The following TBC1D32 variants were observed in gnomAD, a reference collection of about 807,000 sequenced individuals.
TBC1D32 encodes the protein protein broad-minded.
Under a neutral mutation model 170.3 loss-of-function variants are expected in TBC1D32, and 151 were observed. The observed-to-expected ratio is 0.89, with a 90% CI of 0.78 to 1.01. The LOEUF (loss-of-function observed/expected upper bound fraction) is 1.01, where lower values mean the gene tolerates loss of function less well. TBC1D32 is among the 50% of genes least tolerant of loss of function. The pLI, the probability that TBC1D32 is intolerant of heterozygous loss-of-function variation, is 0.00. For missense variants in TBC1D32, 1,464 were observed against 1,457.1 expected (o/e 1.00, Z -0.08); for synonymous variants, 498 against 488.0 (o/e 1.02, Z -0.27).
chr6:121,220,649 T>C (rs951375242), intron 21 of TBC1D32, among the ~76,000 whole-genome samples: 11 of 146,564 alleles, frequency 7.5e-5, no homozygotes, highest in Non-Finnish European at 1.7e-4. Flanking sequence ...TCTTTTTTTT[T>C]TTTTTTTTTG....
At chr6:121,177,451 T>TC (rs1332242172) in intron 22 of TBC1D32, among the ~76,000 whole-genome samples, 4 of 152,192 alleles carry the variant, frequency 2.6e-5, no homozygotes, top group Non-Finnish European at 5.9e-5. Context: ...GCTATGCTTC[T>TC]CGTATAGTCT....
intron 24 of TBC1D32, among the ~76,000 whole-genome samples, chr6:121,153,749 G>C (rs1784494643): frequency 1.3e-5 from 2 of 152,114 alleles, no homozygotes; most frequent in African/African-American, 4.8e-5. Flanking sequence ...GCACTGAGGT[G>C]GGCTCCACCC....
intron 15 of TBC1D32, among the ~76,000 whole-genome samples, chr6:121,256,836 AT>A: frequency 6.6e-6 from 1 of 151,864 alleles, no homozygotes; most frequent in Non-Finnish European, 1.5e-5. Flanking sequence ...TGCCTGGCTA[AT>A]TTTTGTACTT....
intron 14 of TBC1D32, among the ~76,000 whole-genome samples, chr6:121,280,583 C>T (rs1802846442): frequency 6.6e-6 from 1 of 151,736 alleles, no homozygotes; most frequent in East Asian, 1.9e-4. Flanking sequence ...CAAAGATAAA[C>T]TCTAGTCTAA....
At chr6:121,087,110 T>G (rs1353108542) in intron 31 of TBC1D32, among the ~76,000 whole-genome samples, 1 of 152,208 alleles carries the variant, frequency 6.6e-6, no homozygotes, top group Non-Finnish European at 1.5e-5. Context: ...ATGATGCAGT[T>G]AACTGCTCTA....
intron 24 of TBC1D32, among the ~76,000 whole-genome samples, chr6:121,158,446 T>C (rs1199888235): frequency 6.6e-6 from 1 of 152,172 alleles, no homozygotes; most frequent in Non-Finnish European, 1.5e-5. Flanking sequence ...GGGTTTCAAC[T>C]TTCTCCTGGA....
At chr6:121,143,378 T>A (rs1266417211) in intron 24 of TBC1D32, among the ~76,000 whole-genome samples, 1 of 152,102 alleles carries the variant, frequency 6.6e-6, no homozygotes, top group Non-Finnish European at 1.5e-5. Flanking sequence ...CCAGATGATG[T>A]CTCAAAATTC....
At chr6:121,119,270 C>T (rs1780018590) in intron 26 of TBC1D32, among the ~76,000 whole-genome samples, 1 of 152,058 alleles carries the variant, frequency 6.6e-6, no homozygotes, top group Non-Finnish European at 1.5e-5. Flanking sequence ...TTGTTTAATT[C>T]CTAATTTTAG....
intron 24 of TBC1D32, among the ~76,000 whole-genome samples, chr6:121,146,869 G>GA (rs1783515284): frequency 6.6e-6 from 1 of 152,206 alleles, no homozygotes; most frequent in South Asian, 2.1e-4. Flanking sequence ...TTGCTATATG[G>GA]GTATATTGAG....
At chr6:121,194,838 C>T (rs1166324195) in intron 22 of TBC1D32, among the ~76,000 whole-genome samples, 1 of 152,184 alleles carries the variant, frequency 6.6e-6, no homozygotes, top group Non-Finnish European at 1.5e-5. Flanking sequence ...ACACTGAGGA[C>T]ATTATGCCTA....
intron 22 of TBC1D32, among the ~76,000 whole-genome samples, chr6:121,181,713 A>G (rs1036320113): frequency 6.6e-6 from 1 of 152,160 alleles, no homozygotes; most frequent in African/African-American, 2.4e-5. Context: ...TGGCCAAGAT[A>G]TGGAATCAGC....
intron 20 of TBC1D32, among the ~76,000 whole-genome samples, chr6:121,226,723 G>T (rs896553198): frequency 1.3e-5 from 2 of 152,146 alleles, no homozygotes; most frequent in African/African-American, 2.4e-5. Flanking sequence ...TGAAGACTAT[G>T]TGTATAAAGT....
chr6:121,212,028 C>CACACACACACACACAT (rs1179203925), intron 21 of TBC1D32, among the ~76,000 whole-genome samples: 12 of 143,134 alleles, frequency 8.4e-5, no homozygotes, highest in African/African-American at 3.1e-4. Flanking sequence ...CACACACACA[C>CACACACACACACACAT]GACAAAAGGG....
At chr6:121,225,432 A>T (rs1014130015) in intron 20 of TBC1D32, among the ~76,000 whole-genome samples, 3 of 151,674 alleles carry the variant, frequency 2.0e-5, no homozygotes, top group East Asian at 1.9e-4. Flanking sequence ...CCATAATCAT[A>T]AAAGATTACA....
chr6:121,299,456 T>C lies in TBC1D32; in HGVS notation c.1130A>G (p.Tyr377Cys), dbSNP rs755306173. 4 of 1,507,484 alleles carry C rather than the reference T, an allele frequency of 2.7e-6. No individual in the cohort carries two copies. Among genetic ancestry groups the C allele is most frequent in the East Asian group, 2.3e-5 (1 of 42,560 alleles). 93.4% of individuals were successfully genotyped at this position (1,507,484 alleles called of 1,614,324 possible). The stretch of plus-strand genomic sequence containing the variant: ...GAATTACAGACTTACCAGAGACTTA[T>C]ATTTCGTTTCAAGAAGTCTTAATAC... The part of the protein sequence containing the change: ...TTVLRLLETK[Y>C]KSLVTTAIQQ... The change falls in exon 10 of 32, where the codon TAT becomes TGT. Residue 377 changes from tyrosine to cysteine, a missense_variant. Around this residue, in one of 3 missense-constraint regions of TBC1D32, gnomAD observed 1,363 missense variants for 1,338.1 expected, o/e 1.02. Transcript: ENST00000398212.
At chr6:121,116,331 C>T (rs1779679724) in intron 26 of TBC1D32, among the ~76,000 whole-genome samples, 1 of 152,032 alleles carries the variant, frequency 6.6e-6, no homozygotes, top group Non-Finnish European at 1.5e-5. Context: ...AAATCATACC[C>T]TAAAAACCTG....
At chr6:121,287,462 A>G (rs987987322) in intron 12 of TBC1D32, among the ~76,000 whole-genome samples, 1 of 152,220 alleles carries the variant, frequency 6.6e-6, no homozygotes, top group African/African-American at 2.4e-5. Context: ...ACTATCCTAA[A>G]TATATATGCA....
At chr6:121,240,292 G>C (rs1041476268) in intron 19 of TBC1D32, among the ~76,000 whole-genome samples, 1 of 146,420 alleles carries the variant, frequency 6.8e-6, no homozygotes, top group African/African-American at 2.5e-5. Context: ...ATGTGCTCTG[G>C]ATACTGCACT....
intron 24 of TBC1D32, among the ~76,000 whole-genome samples, chr6:121,135,073 T>G (rs1476371108): frequency 6.6e-6 from 1 of 152,142 alleles, no homozygotes; most frequent in African/African-American, 2.4e-5. Flanking sequence ...TTCTTCCAGA[T>G]TCACTTATCA....
Sources: allele counts gnomAD v4.1 joint callset (sites outside exome capture counted in the v4.1 genomes callset), GRCh38; gene constraint gnomAD v4.1.1; regional missense constraint gnomAD v4.1.1; transcripts MANE v1.5; gene names NCBI Gene and HGNC (gene_info 2026-07-23, HGNC 2026-07-21).